The following TRAPPC9 variants were observed in gnomAD, a reference collection of about 807,000 sequenced individuals.
TRAPPC9 encodes the protein IKK2 binding protein.
A neutral mutation model predicts 124.0 loss-of-function variants in TRAPPC9; 83 were observed. That is an observed-to-expected ratio of 0.67 (90% CI 0.56 to 0.80). TRAPPC9 has a LOEUF of 0.80. Among genes scored for constraint, TRAPPC9 ranks in the 30% least tolerant of loss-of-function variants. TRAPPC9 has a pLI of 0.00. For synonymous variants in TRAPPC9, 638 were observed against 617.5 expected, an observed-to-expected ratio of 1.03 and a Z score of -0.49; for missense variants, 1,302 against 1,508.3, an observed-to-expected ratio of 0.86 and a Z score of 2.27.
At chr8:139,971,163 T>C (rs1426512496) in intron 19 of TRAPPC9, among the ~76,000 whole-genome samples, 2 of 151,858 alleles carry the variant, frequency 1.3e-5, no homozygotes, top group Non-Finnish European at 2.9e-5. Context: ...TTCCAGGCAC[T>C]TCCCAAAAGG....
At chr8:139,979,393 T>C (rs1403616302) in intron 19 of TRAPPC9, among the ~76,000 whole-genome samples, 4 of 152,088 alleles carry the variant, frequency 2.6e-5, no homozygotes, top group East Asian at 3.9e-4. Context: ...ACAGGCCAGA[T>C]GGAGGACCAA....
chr8:139,907,434 G>T lies in TRAPPC9; in HGVS notation c.2964+2713C>A, dbSNP rs1305310170. ...AATTCAATCTTTGGTCTTTCCATCT[G>T]CTTGAATTCAGGTTTACAATAGCAA... On this transcript the variant is annotated intron_variant, in intron 20 of 22. Coordinates refer to ENST00000438773, the MANE Select transcript of TRAPPC9 (RefSeq NM_001160372.4). This position sits in a 1 kb window ranked among gnomAD's most constrained non-coding sequence, Gnocchi z 4.7. 6.6e-6 allele frequency among the ~76,000 whole-genome samples: 1 copy of T among 151,688 alleles called. No homozygotes were observed. The highest frequency in any genetic ancestry group is 6.6e-5 in the Admixed American group (1 of 15,230).
intron 6 of TRAPPC9, among the ~76,000 whole-genome samples, chr8:140,404,499 C>T (rs553136260): frequency 6.6e-6 from 1 of 152,232 alleles, no homozygotes; most frequent in Non-Finnish European, 1.5e-5. Flanking sequence ...CCTTTCCACA[C>T]TCTCTGAAAG....
intron 9 of TRAPPC9, among the ~76,000 whole-genome samples, chr8:140,333,749 A>C (rs2066960260): frequency 6.6e-6 from 1 of 152,236 alleles, no homozygotes; most frequent in African/African-American, 2.4e-5. Flanking sequence ...TACAACGAAA[A>C]ATCAGGGTTT....
chr8:140,297,253 T>C (rs2065830766), intron 11 of TRAPPC9, among the ~76,000 whole-genome samples: 1 of 152,148 alleles, frequency 6.6e-6, no homozygotes. Flanking sequence ...GAGACAAGAT[T>C]GGGGTGTCTT....
intron 21 of TRAPPC9, among the ~76,000 whole-genome samples, chr8:139,735,520 C>T (rs954850296): frequency 1.2e-4 from 19 of 152,286 alleles, no homozygotes; most frequent in Middle Eastern, 3.4e-3. Flanking sequence ...CCGAACCAGG[C>T]GCGGTCTGAG....
At chr8:139,796,039 AGAG>A (rs1327352741) in intron 21 of TRAPPC9, among the ~76,000 whole-genome samples, 7 of 141,574 alleles carry the variant, frequency 4.9e-5, no homozygotes, top group Admixed American at 2.8e-4. Flanking sequence ...AGGAGGAGGA[AGAG>A]GAGAAGGAGG....
In TRAPPC9 at chr8:140,297,120, G is replaced by A. The variant is rs368749332; in HGVS notation, c.1768+3349C>T. 1.8e-4 allele frequency among the ~76,000 whole-genome samples: 27 copies of A among 152,318 alleles called. No homozygotes were observed. In the East Asian group the frequency reaches 3.3e-3, roughly 19 times the overall value. On this transcript the variant is annotated intron_variant, in intron 11 of 22. Transcript: ENST00000438773. ...TTTGTACAGCTCTCTCCTGCTTACCGCAACACACGCTGGAGCACATCTGGG... is the reference window on the plus strand; with the variant it reads ...TTTGTACAGCTCTCTCCTGCTTACCACAACACACGCTGGAGCACATCTGGG...
chr8:140,396,460 C>T (rs2069099943), intron 7 of TRAPPC9, among the ~76,000 whole-genome samples: 1 of 151,974 alleles, frequency 6.6e-6, no homozygotes, highest in Non-Finnish European at 1.5e-5. Context: ...CTTTTAAAAC[C>T]CGCCGCTCTT....
At chr8:140,293,520 G>C (rs1588108695) in intron 11 of TRAPPC9, among the ~76,000 whole-genome samples, 1 of 152,186 alleles carries the variant, frequency 6.6e-6, no homozygotes, top group Admixed American at 6.5e-5. Flanking sequence ...ATACACCATG[G>C]AATACTATGC....
In TRAPPC9 at chr8:139,961,161, C is replaced by T. The variant is rs929957509; in HGVS notation, c.2810+27565G>A. 4.2e-3 allele frequency among the ~76,000 whole-genome samples: 523 copies of T among 124,846 alleles called. 65 individuals are homozygous for T. Among genetic ancestry groups the T allele is most frequent in the African/African-American group, 0.012 (469 of 39,410 alleles). The allele number at this position is 124,846 out of a possible 152,430, so 81.9% of individuals were successfully genotyped here. A position where few individuals can be genotyped will look rare whatever the true frequency, so the allele number is the denominator to read the frequency against. On this transcript the variant is annotated intron_variant, in intron 19 of 22. Transcript: ENST00000438773. ...CCACATGTGTCCTCGGACAAACCCA[C>T]GTGTGTCCTCAGCTGCGCCTGCACA...
At position 140,224,514 on chromosome 8, in the gene TRAPPC9, G is replaced by C. The variant is rs140587313; in HGVS notation, c.2432-2931C>G. ...GTGTTCAGTGTTCCCCATGGAGAGTGGATAGCAAATCTGGGAAGCTTCAGG... is the reference window on the plus strand; with the variant it reads ...GTGTTCAGTGTTCCCCATGGAGAGTCGATAGCAAATCTGGGAAGCTTCAGG... On this transcript the variant is annotated intron_variant, in intron 16 of 22. Coordinates refer to ENST00000438773, the MANE Select transcript of TRAPPC9 (RefSeq NM_001160372.4). Among the ~76,000 whole-genome samples, 1,099 of 152,264 alleles carry C rather than the reference G, an allele frequency of 7.2e-3. 11 individuals carry two copies. The highest frequency in any genetic ancestry group is 0.025 in the African/African-American group (1,038 of 41,544).
At chr8:140,020,588 T>C (rs1294654811) in intron 18 of TRAPPC9, among the ~76,000 whole-genome samples, 3 of 152,048 alleles carry the variant, frequency 2.0e-5, no homozygotes, top group African/African-American at 7.2e-5. Flanking sequence ...ATGGTGCCAG[T>C]GCATTCCCAC....
chr8:140,178,361 G>T, intron 17 of TRAPPC9, among the ~76,000 whole-genome samples: 1 of 152,006 alleles, frequency 6.6e-6, no homozygotes, highest in East Asian at 1.9e-4. Context: ...TATGATCATG[G>T]TTTTTATTCT....
chr8:140,423,657 C>T (rs200580439), intron 5 of TRAPPC9, among the ~76,000 whole-genome samples: 1 of 71,170 alleles, frequency 1.4e-5, no homozygotes, highest in Non-Finnish European at 4.0e-5. Flanking sequence ...CATATACATA[C>T]ACACATATAT....
At chr8:140,110,994 G>A (rs1296153923) in intron 17 of TRAPPC9, among the ~76,000 whole-genome samples, 2 of 134,376 alleles carry the variant, frequency 1.5e-5, no homozygotes, top group East Asian at 2.2e-4. Context: ...ACTTGTTTGG[G>A]TAACTGCTTC....
intron 17 of TRAPPC9, among the ~76,000 whole-genome samples, chr8:140,175,083 G>A (rs555810499): frequency 3.3e-4 from 50 of 151,668 alleles, no homozygotes; most frequent in South Asian, 1.3e-3. Context: ...CAAAAATGGG[G>A]AGTACATGGT....
chr8:140,062,494 C>T (rs1842681117), intron 17 of TRAPPC9, among the ~76,000 whole-genome samples: 1 of 152,152 alleles, frequency 6.6e-6, no homozygotes, highest in Admixed American at 6.5e-5. Flanking sequence ...GCTGCTTCTC[C>T]CTGCCTCTTC....
intron 15 of TRAPPC9, among the ~76,000 whole-genome samples, chr8:140,272,528 G>A (rs1170213576): frequency 6.6e-6 from 1 of 150,804 alleles, no homozygotes; most frequent in Non-Finnish European, 1.5e-5. Context: ...AGTGGCAAAA[G>A]TAGCAGTGTA....
Sources: gnomAD v4.1 joint callset for allele counts (sites outside exome capture counted in the v4.1 genomes callset) on GRCh38, gnomAD v4.1.1 for gene constraint, Gnocchi (gnomAD v3.1) non-coding constraint, MANE v1.5 for transcripts, NCBI Gene and HGNC (gene_info 2026-07-23, HGNC 2026-07-21) for gene names.